RAVER2: variants seen among roughly 807,000 people sequenced by gnomAD.
RAVER2 encodes the protein ribonucleoprotein PTB-binding 2.
In RAVER2, 46 loss-of-function variants were observed where a neutral mutation model predicts 78.1. The observed-to-expected ratio is 0.59, with a 90% CI of 0.46 to 0.75. The LOEUF is 0.75. RAVER2 is among the 30% of genes least tolerant of loss of function. The probability of loss-of-function intolerance (pLI) is 0.00; values close to 1 mark genes in which losing one functional copy is unlikely to be tolerated. For missense variants in RAVER2, 793 were observed against 837.5 expected, an observed-to-expected ratio of 0.95 and a Z score of 0.66; for synonymous variants, 311 against 313.3, an observed-to-expected ratio of 0.99 and a Z score of 0.08.
intron 8 of RAVER2, among the ~76,000 whole-genome samples, chr1:64,805,799 A>G (rs766548775): frequency 1.9e-4 from 29 of 152,224 alleles, no homozygotes; most frequent in Non-Finnish European, 3.4e-4. Flanking sequence ...CCAGTGATCA[A>G]ATAACTTAGT....
chr1:64,824,259 A>C (rs749478850), intron 11 of RAVER2, among the ~76,000 whole-genome samples: 1 of 152,234 alleles, frequency 6.6e-6, no homozygotes, highest in Non-Finnish European at 1.5e-5. Flanking sequence ...CAGGGAATCA[A>C]CCACAGAATA....
chr1:64,756,123 G>A lies in RAVER2; in HGVS notation c.249+10702G>A, dbSNP rs189965580. Reference sequence around the variant, plus strand: ...GTAGAATGTCTTTCAATTTTGGTTCGTATGGTGTTCCTTCATGATTAGAGT... The same window carrying A: ...GTAGAATGTCTTTCAATTTTGGTTCATATGGTGTTCCTTCATGATTAGAGT... On this transcript the variant is annotated intron_variant, in intron 1 of 11. Transcript: ENST00000294428. Among the ~76,000 whole-genome samples the A allele has an allele frequency of 2.2e-3, 330 of 152,146 alleles. 1 individual carries two copies. Among genetic ancestry groups the A allele is most frequent in the African/African-American group, 7.7e-3 (320 of 41,532 alleles).
At chr1:64,759,512 C>A (rs561883944) in intron 1 of RAVER2, among the ~76,000 whole-genome samples, 2 of 148,856 alleles carry the variant, frequency 1.3e-5, no homozygotes, top group East Asian at 4.1e-4. Context: ...AGCCACCGCG[C>A]CCGGCCTATT....
chr1:64,802,702 T>A (rs1419994642), intron 5 of RAVER2, among the ~76,000 whole-genome samples: 1 of 152,176 alleles, frequency 6.6e-6, no homozygotes, highest in East Asian at 1.9e-4. Flanking sequence ...GGTGGATGTG[T>A]TTTGTTGCAC....
chr1:64,808,420 G>A (rs978405126), intron 9 of RAVER2, among the ~76,000 whole-genome samples: 1 of 149,556 alleles, frequency 6.7e-6, no homozygotes, highest in African/African-American at 2.5e-5. Context: ...TGACTAGAAT[G>A]CCCTGCAATT....
At chr1:64,763,203 A>G (rs761533521) in intron 1 of RAVER2, among the ~76,000 whole-genome samples, 2 of 152,108 alleles carry the variant, frequency 1.3e-5, no homozygotes, top group Non-Finnish European at 2.9e-5. Context: ...AGGCTGAGGC[A>G]GGAGAATGGT....
intron 2 of RAVER2, among the ~76,000 whole-genome samples, chr1:64,774,707 GT>G (rs1652414489): frequency 6.6e-6 from 1 of 152,126 alleles, no homozygotes; most frequent in Admixed American, 6.5e-5. Flanking sequence ...TTCCAATTCT[GT>G]GAAGAAAGTC....
At chr1:64,771,329 C>A (rs1314812416) in intron 2 of RAVER2, among the ~76,000 whole-genome samples, 1 of 151,882 alleles carries the variant, frequency 6.6e-6, no homozygotes, top group Non-Finnish European at 1.5e-5. Flanking sequence ...TTGAAAATAT[C>A]TTTCAAAAAC....
chr1:64,753,587 G>T (rs1387276520), intron 1 of RAVER2, among the ~76,000 whole-genome samples: 1 of 141,528 alleles, frequency 7.1e-6, no homozygotes, highest in Non-Finnish European at 1.5e-5. Flanking sequence ...GAGTGATCTC[G>T]GCTCACTGCA....
At chr1:64,822,372 T>C (rs1653911127) in intron 11 of RAVER2, among the ~76,000 whole-genome samples, 1 of 152,236 alleles carries the variant, frequency 6.6e-6, no homozygotes, top group South Asian at 2.1e-4. Context: ...AAATCAAATA[T>C]AAATTCTTGA....
chr1:64,783,121 A>T (rs1177301249), intron 4 of RAVER2, among the ~76,000 whole-genome samples: 1 of 152,184 alleles, frequency 6.6e-6, no homozygotes, highest in Non-Finnish European at 1.5e-5. Flanking sequence ...TTCTTAATCC[A>T]GTCTATCATT....
At chr1:64,827,292 G>A (rs1216782949) in intron 11 of RAVER2, among the ~76,000 whole-genome samples, 1 of 152,150 alleles carries the variant, frequency 6.6e-6, no homozygotes, top group African/African-American at 2.4e-5. Flanking sequence ...TTCGAGAAAA[G>A]AGAAGGCTTG....
In RAVER2 at chr1:64,814,757, G is replaced by T. The variant is rs747226521; in HGVS notation, c.1846G>T (p.Asp616Tyr). Reference sequence around the variant, plus strand: ...GACTGGAATTGCAAGCAGCATTCTGGATGCAATCTCTCAGGGAAGTGAATC... The same window carrying T: ...GACTGGAATTGCAAGCAGCATTCTGTATGCAATCTCTCAGGGAAGTGAATC... Residue 616 changes from aspartate (D) to tyrosine (Y), a missense_variant, in exon 11 of 12, where the codon GAT becomes TAT. By Grantham distance (160) the Asp-to-Tyr change is radical. Transcript: ENST00000294428. The T allele has an allele frequency of 6.3e-7, 1 of 1,585,622 alleles. No homozygotes were observed. The highest frequency in any genetic ancestry group is 1.8e-5 in the Admixed American group (1 of 56,372).
At chr1:64,752,199 C>A (rs1249249978) in intron 1 of RAVER2, among the ~76,000 whole-genome samples, 1 of 152,252 alleles carries the variant, frequency 6.6e-6, no homozygotes, top group East Asian at 1.9e-4. Flanking sequence ...TCTCTCTTAT[C>A]CTCTGTTTTA....
chr1:64,773,400 GT>G (rs1468354756), intron 2 of RAVER2, among the ~76,000 whole-genome samples: 1 of 151,056 alleles, frequency 6.6e-6, no homozygotes, highest in Non-Finnish European at 1.5e-5. Context: ...TGTTCTCATT[GT>G]TCAGCTCCCA....
chr1:64,766,608 C>T (rs1652182276), intron 1 of RAVER2, among the ~76,000 whole-genome samples: 1 of 152,162 alleles, frequency 6.6e-6, no homozygotes, highest in Admixed American at 6.6e-5. Context: ...CCTTTGAATA[C>T]TTAAGCTCTC....
intron 2 of RAVER2, among the ~76,000 whole-genome samples, 168 bp downstream of exon 2, chr1:64,768,890 T>C (rs1203643486): frequency 2.6e-5 from 4 of 152,026 alleles, no homozygotes; most frequent in Non-Finnish European, 5.9e-5. Context: ...AATATTGGTA[T>C]CCTAAATATT....
intron 11 of RAVER2, among the ~76,000 whole-genome samples, chr1:64,823,340 T>C (rs1040625044): frequency 6.6e-6 from 1 of 152,228 alleles, no homozygotes; most frequent in African/African-American, 2.4e-5. Context: ...GTTGTAATAA[T>C]TAATTAGAAT....
intron 5 of RAVER2, among the ~76,000 whole-genome samples, chr1:64,802,477 T>G (rs1653295045): frequency 6.6e-6 from 1 of 152,252 alleles, no homozygotes; most frequent in African/African-American, 2.4e-5. Flanking sequence ...CCATTTATTC[T>G]TTTTATGTCT....
Sources: gnomAD v4.1 joint callset for allele counts (sites outside exome capture counted in the v4.1 genomes callset) on GRCh38, gnomAD v4.1.1 for gene constraint, MANE v1.5 for transcripts, NCBI Gene and HGNC (gene_info 2026-07-23, HGNC 2026-07-21) for gene names.